CACNG2: variants seen among roughly 807,000 people sequenced by gnomAD.
CACNG2 encodes calcium voltage-gated channel auxiliary subunit gamma 2, also known as voltage-dependent calcium channel gamma-2 subunit.
A neutral mutation model predicts 25.9 loss-of-function variants in CACNG2; 3 were observed. The observed-to-expected ratio is 0.12, with a 90% CI of 0.05 to 0.30. CACNG2 has a LOEUF of 0.30. CACNG2 is among the 10% of genes least tolerant of loss of function. The pLI, the probability that CACNG2 is intolerant of heterozygous loss-of-function variation, is 1.00. For missense variants in CACNG2, 341 were observed against 432.5 expected, an observed-to-expected ratio of 0.79 and a Z score of 1.88; for synonymous variants, 167 against 173.3, an observed-to-expected ratio of 0.96 and a Z score of 0.29.
At chr22:36,618,668 C>A (rs1936061233) in intron 1 of CACNG2, among the ~76,000 whole-genome samples, 5 of 152,202 alleles carry the variant, frequency 3.3e-5, no homozygotes, top group Admixed American at 3.3e-4. Flanking sequence ...CACCTATAAT[C>A]CCAGCACTTT....
intron 2 of CACNG2, among the ~76,000 whole-genome samples, chr22:36,567,903 G>A (rs1168531431): frequency 6.6e-6 from 1 of 152,122 alleles, no homozygotes; most frequent in Non-Finnish European, 1.5e-5. Context: ...AGGCTGGAGT[G>A]CAGTGGTGCA....
At position 36,566,589 on chromosome 22, in the gene CACNG2, G is replaced by T. The variant is rs1935131734; in HGVS notation, c.296-96C>A. 11 of 1,325,240 alleles carry T rather than the reference G, an allele frequency of 8.3e-6. No individual in the cohort carries two copies. The East Asian group carries it at 2.5e-4, about 31-fold the overall frequency. The allele number at this position is 1,325,240 out of a possible 1,614,324, so 82.1% of individuals were successfully genotyped here. ...GGGAGAGCAGCCCCGAGGCGCTGGGGGTTTATGGACACAGCCTTAGAGGAG... is the reference window on the plus strand; with the variant it reads ...GGGAGAGCAGCCCCGAGGCGCTGGGTGTTTATGGACACAGCCTTAGAGGAG... On this transcript the variant is annotated intron_variant, in intron 2 of 3. Transcript: ENST00000300105.
At position 36,566,486 on chromosome 22, in the gene CACNG2, C is replaced by T. The variant is rs1387651654; in HGVS notation, c.303G>A (p.Val101=). The T allele has an allele frequency of 3.7e-6, 6 of 1,614,116 alleles. No homozygotes were observed. The highest frequency in any genetic ancestry group is 5.1e-6 in the Non-Finnish European group (6 of 1,180,044). ...ADTAEYFLRA[V]RASSIFPILS... is the part of the protein sequence containing the mutation. ...GGATTGGGAAAATGCTGGAGGCCCT[C>T]ACGGCCCCTGTGGAACACAGAGGGT... The change falls in exon 3 of 4, where the codon GTG becomes GTA. Residue 101 remains valine, a synonymous_variant. Transcript: ENST00000300105.
chr22:36,674,156 C>T (rs1033514093), intron 1 of CACNG2, among the ~76,000 whole-genome samples: 3 of 152,214 alleles, frequency 2.0e-5, no homozygotes, highest in Admixed American at 6.5e-5. Flanking sequence ...TCCCAGCTGA[C>T]GGTGCCATGT....
chr22:36,611,812 C>T (rs1012587896), intron 1 of CACNG2, among the ~76,000 whole-genome samples: 1 of 152,114 alleles, frequency 6.6e-6, no homozygotes, highest in South Asian at 2.1e-4. Context: ...ACCATCATCC[C>T]CAATTCCAGC....
intron 1 of CACNG2, among the ~76,000 whole-genome samples, chr22:36,616,930 A>G (rs752534173): frequency 2.0e-5 from 3 of 152,206 alleles, no homozygotes; most frequent in Non-Finnish European, 2.9e-5. Flanking sequence ...TGAATGAATC[A>G]GAGACCATCC....
intron 2 of CACNG2, among the ~76,000 whole-genome samples, chr22:36,567,651 G>A (rs1935149470): frequency 6.6e-6 from 1 of 151,958 alleles, no homozygotes; most frequent in African/African-American, 2.4e-5. Flanking sequence ...GTTTGTGGGG[G>A]GAGCAGCACC....
At chr22:36,567,919 G>A (rs1373734516) in intron 2 of CACNG2, among the ~76,000 whole-genome samples, 2 of 151,938 alleles carry the variant, frequency 1.3e-5, no homozygotes, top group African/African-American at 4.8e-5. Flanking sequence ...GTGCAATCTC[G>A]GCTCACTGCA....
At chr22:36,633,582 C>T (rs559764630) in intron 1 of CACNG2, among the ~76,000 whole-genome samples, 38 of 152,238 alleles carry the variant, frequency 2.5e-4, no homozygotes, top group Non-Finnish European at 3.8e-4. Context: ...TCATTCTGAG[C>T]GATATGGTTA....
intron 2 of CACNG2, among the ~76,000 whole-genome samples, chr22:36,584,189 C>T (rs1049083133): frequency 2.6e-5 from 4 of 152,138 alleles, no homozygotes; most frequent in Non-Finnish European, 4.4e-5. Flanking sequence ...TGGTGGCTCA[C>T]GCCTGTAATC....
chr22:36,616,762 T>A (rs1936027499), intron 1 of CACNG2, among the ~76,000 whole-genome samples: 1 of 152,160 alleles, frequency 6.6e-6, no homozygotes, highest in African/African-American at 2.4e-5. Flanking sequence ...CCTATTTGAG[T>A]CTTCCATATT....
intron 1 of CACNG2, among the ~76,000 whole-genome samples, chr22:36,690,860 A>G (rs949944771): frequency 7.9e-5 from 12 of 152,186 alleles, no homozygotes; most frequent in African/African-American, 2.9e-4. Context: ...TCTTTTTTCT[A>G]TATTCACTCA....
At chr22:36,643,932 A>G (rs1343224371) in intron 1 of CACNG2, among the ~76,000 whole-genome samples, 1 of 152,212 alleles carries the variant, frequency 6.6e-6, no homozygotes, top group East Asian at 1.9e-4. Flanking sequence ...TACATCCGGA[A>G]AATGGCAGAG....
intron 1 of CACNG2, among the ~76,000 whole-genome samples, chr22:36,648,543 C>T (rs1295297099): frequency 1.3e-5 from 2 of 152,334 alleles, no homozygotes; most frequent in South Asian, 2.1e-4. Flanking sequence ...ACACTGGGAA[C>T]ATGTGAGGTT....
intron 1 of CACNG2, among the ~76,000 whole-genome samples, chr22:36,661,084 T>C (rs1011398957): frequency 3.9e-5 from 6 of 152,192 alleles, no homozygotes; most frequent in Non-Finnish European, 7.3e-5. Context: ...TAAGCCCTAT[T>C]ACCGTGAAAT....
intron 1 of CACNG2, among the ~76,000 whole-genome samples, chr22:36,605,294 C>T (rs189811418): frequency 1.4e-3 from 207 of 152,240 alleles, no homozygotes; most frequent in Non-Finnish European, 2.6e-3. Flanking sequence ...AGGCTGGTCA[C>T]GAACCCTTGG....
intron 2 of CACNG2, among the ~76,000 whole-genome samples, chr22:36,579,906 G>A (rs993861631): frequency 1.3e-4 from 20 of 152,250 alleles, no homozygotes; most frequent in East Asian, 5.8e-4. Context: ...AGCCCTCCCC[G>A]GGCGCCCATC....
chr22:36,675,826 T>A (rs1386455595), intron 1 of CACNG2, among the ~76,000 whole-genome samples: 1 of 152,242 alleles, frequency 6.6e-6, no homozygotes, highest in African/African-American at 2.4e-5. Context: ...CTGATTTTAC[T>A]ACTCAAGTAC....
At chr22:36,619,489 C>T (rs374907821) in intron 1 of CACNG2, among the ~76,000 whole-genome samples, 8 of 152,220 alleles carry the variant, frequency 5.3e-5, no homozygotes, top group African/African-American at 9.7e-5. Flanking sequence ...ATTGAGTTCA[C>T]TACGCTTTGT....
Sources: gnomAD v4.1 joint callset for allele counts (sites outside exome capture counted in the v4.1 genomes callset) on GRCh38, gnomAD v4.1.1 for gene constraint, MANE v1.5 for transcripts, NCBI Gene and HGNC (gene_info 2026-07-23, HGNC 2026-07-21) for gene names.